The following LTBP2 variants were observed in gnomAD, a reference collection of about 807,000 sequenced individuals.
LTBP2 encodes the protein latent transforming growth factor beta binding protein 2.
LTBP2 carries 103 observed loss-of-function variants against 210.6 expected under a neutral mutation model. That is an observed-to-expected ratio of 0.49 (90% CI 0.42 to 0.58). The LOEUF is 0.58. LTBP2 is among the 20% of genes least tolerant of loss of function. LTBP2 has a pLI of 0.00. For missense variants in LTBP2, 2,313 were observed against 2,494.5 expected (o/e 0.93, Z 1.55); for synonymous variants, 1,007 against 1,015.0 (o/e 0.99, Z 0.15).
chr14:74,505,870 C>T (rs1447236396), intron 28 of LTBP2, among the ~76,000 whole-genome samples, 178 bp downstream of exon 28: 2 of 152,156 alleles, frequency 1.3e-5, no homozygotes, highest in African/African-American at 2.4e-5. Flanking sequence ...TTTTGCTGCG[C>T]GCGGCCCTCA....
At chr14:74,543,377 C>CAAAA (rs71119305) in intron 8 of LTBP2, among the ~76,000 whole-genome samples, 15 of 96,530 alleles carry the variant, frequency 1.6e-4, no homozygotes, top group East Asian at 3.1e-4. Flanking sequence ...GACTCCGTCT[C>CAAAA]AAAAAAAAAA....
At chr14:74,556,974 G>C (rs1256697610) in intron 3 of LTBP2, among the ~76,000 whole-genome samples, 2 of 152,144 alleles carry the variant, frequency 1.3e-5, no homozygotes, top group Non-Finnish European at 2.9e-5. Context: ...TAAAACTTTA[G>C]GATGAGGCTG....
At chr14:74,523,328 G>A (rs2087233024) in intron 15 of LTBP2, among the ~76,000 whole-genome samples, 1 of 152,120 alleles carries the variant, frequency 6.6e-6, no homozygotes, top group Non-Finnish European at 1.5e-5. Context: ...AGGTGCTTGG[G>A]GAAAACTGCC....
intron 3 of LTBP2, among the ~76,000 whole-genome samples, chr14:74,570,431 C>A (rs555108445): frequency 6.6e-6 from 1 of 152,306 alleles, no homozygotes; most frequent in South Asian, 2.1e-4. Flanking sequence ...GGACCTGGGT[C>A]AAAGATACAC....
Position 74,527,358 on chromosome 14 carries a change from G to A in LTBP2, c.2377C>T (p.Gln793Ter), listed in dbSNP as rs1373051187. 3.1e-6 allele frequency: 5 copies of A among 1,611,396 alleles called. No individual in the cohort carries two copies. Among genetic ancestry groups the A allele is most frequent in the African/African-American group, 1.3e-5 (1 of 74,906 alleles). The change falls in exon 13 of 36, where the codon CAG becomes TAG. Residue 793 changes from glutamine (Q) to a stop codon, truncating the protein, a stop_gained. Coordinates refer to ENST00000261978, the MANE Select transcript of LTBP2 (RefSeq NM_000428.3). LOFTEE classifies it high-confidence loss of function. ...GAGGACGCACTCACCTGGCCAGCCT[G>A]AGAGTCACCTGGAAGGGAAAGGTAA... Reference protein sequence around the residue: ...AGTIPDKGDSQAGQVTTSVTH... With the variant: ...AGTIPDKGDS
chr14:74,592,241 C>T (rs1327978847), intron 2 of LTBP2, among the ~76,000 whole-genome samples: 3 of 152,316 alleles, frequency 2.0e-5, no homozygotes, highest in African/African-American at 2.4e-5. Flanking sequence ...AAGAAGGAAA[C>T]GCTGAGGTCC....
At chr14:74,507,458 G>A (rs2087006621) in intron 25 of LTBP2, 148 bp from the exon 26 acceptor site, 5 of 1,101,696 alleles carry the variant, frequency 4.5e-6, no homozygotes, top group Non-Finnish European at 5.5e-6. Context: ...AGGTCAGGAC[G>A]ATTTCCCCTG....
At chr14:74,510,239 G>A (rs899798852) in intron 19 of LTBP2, 26 bp from the exon 20 acceptor site, 1 of 1,611,704 alleles carries the variant, frequency 6.2e-7, no homozygotes, top group Non-Finnish European at 8.5e-7. Flanking sequence ...CCAAGACGGT[G>A]GGCTGGCCTC....
intron 8 of LTBP2, among the ~76,000 whole-genome samples, chr14:74,547,239 G>A (rs917170514): frequency 2.6e-5 from 4 of 152,184 alleles, no homozygotes; most frequent in African/African-American, 9.7e-5. Flanking sequence ...CTGTCAGATT[G>A]GCTTAGTGAA....
rs2087680494 is a variant in LTBP2 at position 74,552,966 on chromosome 14, C to T, written c.1118G>A (p.Cys373Tyr). 6.2e-7 allele frequency: 1 copy of T among 1,614,156 alleles called. No individual in the cohort carries two copies. The highest frequency in any genetic ancestry group is 8.5e-7 in the Non-Finnish European group (1 of 1,180,016). Residue 373 changes from cysteine to tyrosine, a missense_variant, in exon 5 of 36, where the codon TGT becomes TAT. Cys to Tyr is a radical substitution (Grantham distance 194). This residue lies in a region of LTBP2 where 1,867 missense variants were observed against 1,976.9 expected (regional missense o/e 0.94). Coordinates refer to ENST00000261978, the MANE Select transcript of LTBP2 (RefSeq NM_000428.3). ...TCARGHCANSCERGDTTTLYS... is the reference protein window; with the variant it reads ...TCARGHCANSYERGDTTTLYS... Reference sequence around the variant, plus strand: ...CAGGGTGGTGGTGTCGCCCCTCTCACAGCTGTTGGCACAGTGTCCACGGGC... The same window carrying T: ...CAGGGTGGTGGTGTCGCCCCTCTCATAGCTGTTGGCACAGTGTCCACGGGC...
intron 33 of LTBP2, 141 bp downstream of exon 33, chr14:74,503,078 A>G: frequency 3.4e-6 from 5 of 1,479,854 alleles, no homozygotes; most frequent in African/African-American, 1.4e-5. Flanking sequence ...CCCCTGCCCT[A>G]CTTTGTCCCC....
chr14:74,561,586 C>T (rs747958830), intron 3 of LTBP2, among the ~76,000 whole-genome samples: 1 of 152,050 alleles, frequency 6.6e-6, no homozygotes. Flanking sequence ...TGTGTGTGTA[C>T]CTCCTATTTT....
chr14:74,507,880 G>C, intron 25 of LTBP2, 93 bp downstream of exon 25: 1 of 1,561,190 alleles, frequency 6.4e-7, no homozygotes. Flanking sequence ...TTCATCTGTG[G>C]AAAGTGCTCT....
At chr14:74,577,259 T>C (rs962417017) in intron 3 of LTBP2, among the ~76,000 whole-genome samples, 2 of 152,198 alleles carry the variant, frequency 1.3e-5, no homozygotes, top group Non-Finnish European at 2.9e-5. Context: ...TTTGTAGGTT[T>C]GAGTTAACCC....
At chr14:74,528,786 G>C in intron 11 of LTBP2, 88 bp from the exon 12 acceptor site, 1 of 1,533,310 alleles carries the variant, frequency 6.5e-7, no homozygotes, top group Non-Finnish European at 8.9e-7. Context: ...TGGGAGACAC[G>C]GCAATTGTGG....
intron 3 of LTBP2, among the ~76,000 whole-genome samples, chr14:74,577,661 A>G (rs2088077514): frequency 6.6e-6 from 1 of 151,862 alleles, no homozygotes; most frequent in Non-Finnish European, 1.5e-5. Flanking sequence ...GATGCCCACC[A>G]CCATACCCAG....
chr14:74,571,678 T>C (rs1448215503), intron 3 of LTBP2, among the ~76,000 whole-genome samples: 2 of 152,232 alleles, frequency 1.3e-5, no homozygotes, highest in Non-Finnish European at 2.9e-5. Context: ...GGGCGTGGCC[T>C]GGCTGGGGTC....
chr14:74,535,828 A>T (rs1193923928), intron 9 of LTBP2, 98 bp downstream of exon 9: 2 of 1,056,010 alleles, frequency 1.9e-6, no homozygotes, highest in Non-Finnish European at 2.9e-6. Context: ...AGAGGGACTC[A>T]GTGGAGACCA....
In LTBP2 at chr14:74,552,279, C is replaced by T; in HGVS notation, c.1307G>A (p.Arg436Lys). The T allele has an allele frequency of 6.2e-7, 1 of 1,613,376 alleles. No individual in the cohort carries two copies. The highest frequency in any genetic ancestry group is 8.5e-7 in the Non-Finnish European group (1 of 1,179,940). The change falls in exon 6 of 36, where the codon AGG becomes AAG. Residue 436 changes from arginine to lysine, a missense_variant. By Grantham distance (26) the Arg-to-Lys change is conservative (BLOSUM62 2). Coordinates refer to ENST00000261978, the MANE Select transcript of LTBP2 (RefSeq NM_000428.3). ...GCGGGACCCCCTCCCTGGAGGCTCC[C>T]TGTCCGGCTGCGGGATAGGCAGGTG... ...FCHLPIPQPD[R>K]EPPGRGSRPR...
Sources: gnomAD v4.1 joint callset for allele counts (sites outside exome capture counted in the v4.1 genomes callset) on GRCh38, gnomAD v4.1.1 for gene constraint, gnomAD v4.1.1 regional missense constraint, MANE v1.5 for transcripts, NCBI Gene and HGNC (gene_info 2026-07-23, HGNC 2026-07-21) for gene names.